SSH2: variants seen among roughly 807,000 people sequenced by gnomAD.
The protein encoded by SSH2 is slingshot protein phosphatase 2.
SSH2 carries 37 observed loss-of-function variants against 135.2 expected under a neutral mutation model. The observed-to-expected ratio is 0.27, with a 90% CI of 0.21 to 0.36. SSH2 has a LOEUF of 0.36. Among genes scored for constraint, SSH2 ranks in the 10% least tolerant of loss-of-function variants. SSH2 has a pLI of 1.00. For synonymous variants in SSH2, 628 were observed against 646.2 expected (o/e 0.97, Z 0.43); for missense variants, 1,408 against 1,765.3 (o/e 0.80, Z 3.63).
intron 3 of SSH2, among the ~76,000 whole-genome samples, chr17:29,732,727 T>C (rs1242183349): frequency 6.6e-6 from 1 of 152,194 alleles, no homozygotes; most frequent in African/African-American, 2.4e-5. Context: ...GTGAGGTCAT[T>C]ACCTCAGCTG....
intron 5 of SSH2, among the ~76,000 whole-genome samples, chr17:29,689,028 T>C (rs1184673097): frequency 6.6e-6 from 1 of 151,970 alleles, no homozygotes. Flanking sequence ...TGTGGTGGCA[T>C]GTGTCTATAA....
At chr17:29,635,375 T>G (rs4794859) in intron 15 of SSH2, among the ~76,000 whole-genome samples, 87,778 of 152,094 alleles carry the variant, frequency 0.58, 28,522 homozygotes, top group African/African-American at 0.89. Context: ...CATTTTTTTG[T>G]TAAGATCTGA....
At chr17:29,777,213 C>T (rs1250717090) in intron 3 of SSH2, among the ~76,000 whole-genome samples, 1 of 149,890 alleles carries the variant, frequency 6.7e-6, no homozygotes. Context: ...GAGCCAGACT[C>T]CATCTCAAAA....
chr17:29,813,507 T>C (rs1383982135), intron 2 of SSH2, among the ~76,000 whole-genome samples: 1 of 151,562 alleles, frequency 6.6e-6, no homozygotes, highest in Non-Finnish European at 1.5e-5. Flanking sequence ...GATGCTGTAC[T>C]ATATTTTCCC....
chr17:29,701,174 T>C (rs995548975), intron 4 of SSH2, among the ~76,000 whole-genome samples: 4 of 152,262 alleles, frequency 2.6e-5, no homozygotes, highest in East Asian at 1.9e-4. Context: ...AGTTTCACCA[T>C]GTTAGCCAGG....
At chr17:29,758,832 T>G (rs1220905009) in intron 3 of SSH2, among the ~76,000 whole-genome samples, 2 of 152,090 alleles carry the variant, frequency 1.3e-5, no homozygotes, top group African/African-American at 4.8e-5. Flanking sequence ...CACTGCAGCC[T>G]TGAACTCCCG....
chr17:29,844,946 C>G (rs564843897), intron 2 of SSH2, among the ~76,000 whole-genome samples: 183 of 152,308 alleles, frequency 1.2e-3, no homozygotes, highest in South Asian at 3.9e-3. Flanking sequence ...TAATGATTTT[C>G]TCCTTTCCTT....
intron 1 of SSH2, among the ~76,000 whole-genome samples, chr17:29,912,042 A>G (rs1410123431): frequency 1.3e-5 from 2 of 152,190 alleles, no homozygotes; most frequent in African/African-American, 4.8e-5. Context: ...CATGTAACCT[A>G]GTTCTGGTAG....
chr17:29,882,047 G>A (rs9646437), intron 1 of SSH2, among the ~76,000 whole-genome samples: 59,517 of 151,746 alleles, frequency 0.39, 14,072 homozygotes, highest in East Asian at 0.69. Flanking sequence ...ATGGCTGAAA[G>A]CTTCAGGGAG....
intron 1 of SSH2, among the ~76,000 whole-genome samples, chr17:29,900,632 G>C (rs1246826526): frequency 6.6e-6 from 1 of 152,150 alleles, no homozygotes; most frequent in African/African-American, 2.4e-5. Context: ...GGAAACAACA[G>C]GTGCTGGAGA....
At chr17:29,878,992 T>C (rs1457211289) in intron 1 of SSH2, among the ~76,000 whole-genome samples, 1 of 152,240 alleles carries the variant, frequency 6.6e-6, no homozygotes, top group East Asian at 1.9e-4. Flanking sequence ...TTATTTGTCA[T>C]AATTATACAA....
chr17:29,794,310 T>C (rs1464380797), intron 2 of SSH2, among the ~76,000 whole-genome samples: 1 of 152,232 alleles, frequency 6.6e-6, no homozygotes, highest in East Asian at 1.9e-4. Context: ...AACCTATTAA[T>C]GATTCTGACC....
intron 3 of SSH2, among the ~76,000 whole-genome samples, chr17:29,770,514 C>G (rs1294969839): frequency 6.6e-6 from 1 of 151,564 alleles, no homozygotes; most frequent in African/African-American, 2.4e-5. Context: ...GCTCTGTCAC[C>G]CAGGCTGGGG....
intron 4 of SSH2, among the ~76,000 whole-genome samples, chr17:29,698,973 G>C (rs1403488855): frequency 1.3e-5 from 2 of 152,236 alleles, no homozygotes; most frequent in South Asian, 2.1e-4. Flanking sequence ...ACAAAAACCA[G>C]GAGTCCTACT....
At position 29,709,015 on chromosome 17, in the gene SSH2, T is replaced by TATAG. The variant is rs780981175; in HGVS notation, c.189-5954_189-5953insCTAT. Among the ~76,000 whole-genome samples, 726 of 81,582 alleles carry TATAG rather than the reference T, an allele frequency of 8.9e-3. 12 individuals carry two copies. Among genetic ancestry groups the TATAG allele is most frequent in the African/African-American group, 0.022 (534 of 24,408 alleles). 53.5% of individuals were successfully genotyped at this position (81,582 alleles called of 152,430 possible). ...AGAAATATATATATATATATATATA[T>TATAG]AGAGAGAGAGAGAGAGAGAGAGAGA... On this transcript the variant is annotated intron_variant, in intron 3 of 15. Transcript: ENST00000540801.
chr17:29,860,586 C>T (rs1193550150), intron 1 of SSH2, among the ~76,000 whole-genome samples: 1 of 151,860 alleles, frequency 6.6e-6, no homozygotes, highest in African/African-American at 2.4e-5. Context: ...AGGGTCCCAC[C>T]ATGCCCAGCT....
intron 3 of SSH2, among the ~76,000 whole-genome samples, chr17:29,749,586 C>T (rs562178827): frequency 5.0e-4 from 76 of 152,272 alleles, no homozygotes; most frequent in African/African-American, 1.8e-3. Flanking sequence ...ATCAATGGAG[C>T]TTGCAGGACT....
chr17:29,860,584 AC>A (rs955127883), intron 1 of SSH2, among the ~76,000 whole-genome samples: 1 of 151,422 alleles, frequency 6.6e-6, no homozygotes, highest in African/African-American at 2.4e-5. Flanking sequence ...GGAGGGTCCC[AC>A]CATGCCCAGC....
At chr17:29,753,817 T>C (rs1011086416) in intron 3 of SSH2, among the ~76,000 whole-genome samples, 2 of 148,818 alleles carry the variant, frequency 1.3e-5, no homozygotes, top group Non-Finnish European at 3.0e-5. Flanking sequence ...AAAGAACAAA[T>C]TGGTAAAGTC....
Sources: gnomAD v4.1 joint callset for allele counts (sites outside exome capture counted in the v4.1 genomes callset) on GRCh38, gnomAD v4.1.1 for gene constraint, MANE v1.5 for transcripts, NCBI Gene and HGNC (gene_info 2026-07-23, HGNC 2026-07-21) for gene names.